The following KATNIP variants were observed in gnomAD, a reference collection of about 807,000 sequenced individuals.
The protein encoded by KATNIP is katanin interacting protein.
In KATNIP, 126 loss-of-function variants were observed where a neutral mutation model predicts 174.0. That is an observed-to-expected ratio of 0.72 (90% CI 0.63 to 0.84). KATNIP has a LOEUF of 0.84. KATNIP is among the 40% of genes least tolerant of loss of function. The pLI is 0.00. For missense variants in KATNIP, 1,958 were observed against 2,109.7 expected (o/e 0.93, Z 1.41); for synonymous variants, 810 against 835.7 (o/e 0.97, Z 0.53).
chr16:27,574,037 C>G (rs2090400691), intron 2 of KATNIP, 81 bp downstream of exon 2: 3 of 1,238,154 alleles, frequency 2.4e-6, no homozygotes, highest in Non-Finnish European at 3.5e-6. Flanking sequence ...GAATAAGTGT[C>G]CCTAAATATA....
chr16:27,688,458 G>A (rs951568494), intron 8 of KATNIP, among the ~76,000 whole-genome samples: 1 of 152,098 alleles, frequency 6.6e-6, no homozygotes, highest in South Asian at 2.1e-4. Flanking sequence ...GGACATGGTG[G>A]CGGTCACCTG....
At chr16:27,674,749 G>A (rs1264014513) in intron 6 of KATNIP, among the ~76,000 whole-genome samples, 2 of 152,082 alleles carry the variant, frequency 1.3e-5, no homozygotes, top group African/African-American at 4.8e-5. Context: ...CATCTTTGGG[G>A]GCTATTTATC....
At chr16:27,756,943 C>T (rs112153528) in intron 18 of KATNIP, among the ~76,000 whole-genome samples, 21 of 152,302 alleles carry the variant, frequency 1.4e-4, no homozygotes, top group African/African-American at 4.8e-4. Flanking sequence ...CCAGTTTATG[C>T]CTCCTTTCTA....
intron 5 of KATNIP, among the ~76,000 whole-genome samples, chr16:27,632,844 G>A (rs1476708741): frequency 6.6e-6 from 1 of 151,914 alleles, no homozygotes. Flanking sequence ...TCTGCCTCCC[G>A]GTTTCAAGCG....
intron 6 of KATNIP, among the ~76,000 whole-genome samples, chr16:27,666,953 G>A (rs1255206626): frequency 2.0e-5 from 3 of 152,160 alleles, no homozygotes; most frequent in Admixed American, 6.5e-5. Context: ...GATTCCGTAA[G>A]TCTGTCTTGT....
intron 6 of KATNIP, among the ~76,000 whole-genome samples, chr16:27,666,598 A>T (rs2077693296): frequency 6.6e-6 from 1 of 152,076 alleles, no homozygotes; most frequent in African/African-American, 2.4e-5. Flanking sequence ...TTGTATTTTT[A>T]GTAGAGATGG....
chr16:27,645,168 C>A (rs233465), intron 5 of KATNIP, among the ~76,000 whole-genome samples: 1 of 152,066 alleles, frequency 6.6e-6, no homozygotes, highest in Non-Finnish European at 1.5e-5. Flanking sequence ...ATGAAACATA[C>A]ACCTGAGAGG....
At chr16:27,606,732 CT>C (rs112061995) in intron 2 of KATNIP, among the ~76,000 whole-genome samples, 3,418 of 144,154 alleles carry the variant, frequency 0.024, 128 homozygotes, top group African/African-American at 0.075. Context: ...ATTTTTCTAA[CT>C]TTTTTTTTTT....
chr16:27,561,236 C>T (rs1173826781), intron 1 of KATNIP, among the ~76,000 whole-genome samples: 4 of 151,362 alleles, frequency 2.6e-5, no homozygotes, highest in Admixed American at 1.3e-4. Context: ...TTGGTCAGGC[C>T]GGTCTTGAAC....
chr16:27,745,364 G>A (rs1597359276), intron 15 of KATNIP, among the ~76,000 whole-genome samples: 1 of 152,172 alleles, frequency 6.6e-6, no homozygotes, highest in Non-Finnish European at 1.5e-5. Context: ...CTTTCCTCAC[G>A]ATATCAGCTT....
intron 19 of KATNIP, 59 bp from the exon 20 acceptor site, chr16:27,766,250 T>C (rs950428824): frequency 1.1e-5 from 17 of 1,584,086 alleles, no homozygotes; most frequent in Non-Finnish European, 1.5e-5. Flanking sequence ...GGGGCCCCAC[T>C]GTGATGCCTC....
intron 14 of KATNIP, among the ~76,000 whole-genome samples, chr16:27,731,862 C>T (rs1490859020): frequency 6.6e-6 from 1 of 152,144 alleles, no homozygotes; most frequent in Non-Finnish European, 1.5e-5. Flanking sequence ...CTCAGGTTAT[C>T]CACCCACCTT....
At position 27,574,784 on chromosome 16, in the gene KATNIP, G is replaced by A. The variant is rs1181708334; in HGVS notation, c.63+828G>A. On this transcript the variant is annotated intron_variant, in intron 2 of 27. Coordinates refer to ENST00000261588, the MANE Select transcript of KATNIP (RefSeq NM_015202.5). ...TCACCATGCTGGCCAGGCTGGTCTC[G>A]AACTCCCGAGCCCGCCTCAGTCTCC... Among the ~76,000 whole-genome samples, 3 of 47,482 alleles carry A rather than the reference G, an allele frequency of 6.3e-5. No individual in the cohort carries two copies. In the East Asian group the frequency reaches 3.2e-3, roughly 51 times the overall value. 31.2% of individuals were successfully genotyped at this position (47,482 alleles called of 152,430 possible). A position where few individuals can be genotyped will look rare whatever the true frequency, so the allele number is the denominator to read the frequency against.
intron 6 of KATNIP, among the ~76,000 whole-genome samples, chr16:27,661,643 T>C (rs2077477871): frequency 6.6e-6 from 1 of 151,850 alleles, no homozygotes; most frequent in African/African-American, 2.4e-5. Context: ...TCCACCCACC[T>C]AGGCCTCCCA....
At chr16:27,766,118 T>C (rs1340877783) in intron 19 of KATNIP, among the ~76,000 whole-genome samples, 191 bp from the exon 20 acceptor site, 1 of 151,522 alleles carries the variant, frequency 6.6e-6, no homozygotes, top group Non-Finnish European at 1.5e-5. Context: ...AAAAAATGTC[T>C]CATTTCATAG....
chr16:27,660,348 A>G (rs550677976), intron 6 of KATNIP, among the ~76,000 whole-genome samples: 1 of 152,346 alleles, frequency 6.6e-6, no homozygotes, highest in Non-Finnish European at 1.5e-5. Flanking sequence ...CAGGAGTTTG[A>G]GACCAGCCTG....
intron 6 of KATNIP, among the ~76,000 whole-genome samples, chr16:27,655,133 CA>C (rs544214453): frequency 2.3e-4 from 29 of 128,544 alleles, no homozygotes; most frequent in Non-Finnish European, 3.9e-4. Flanking sequence ...TGTCTCAAAA[CA>C]AATATACAAA....
intron 1 of KATNIP, among the ~76,000 whole-genome samples, chr16:27,559,652 G>C (rs189738846): frequency 2.4e-4 from 36 of 147,632 alleles, no homozygotes; most frequent in African/African-American, 8.5e-4. Flanking sequence ...CTGCACTCTA[G>C]CCTGGGCAAC....
At chr16:27,704,043 C>T in intron 12 of KATNIP, 45 bp downstream of exon 12, 1 of 1,476,554 alleles carries the variant, frequency 6.8e-7, no homozygotes, top group Non-Finnish European at 9.4e-7. Flanking sequence ...CAGGAAGTTC[C>T]CTCAGAACAG....
Sources: gnomAD v4.1 joint callset for allele counts (sites outside exome capture counted in the v4.1 genomes callset) on GRCh38, gnomAD v4.1.1 for gene constraint, MANE v1.5 for transcripts, NCBI Gene and HGNC (gene_info 2026-07-23, HGNC 2026-07-21) for gene names.